Variants in ZDHHC14 observed in about 807,000 individuals in gnomAD.
ZDHHC14 encodes zDHHC palmitoyltransferase 14, also known as palmitoyltransferase ZDHHC14.
A neutral mutation model predicts 47.7 loss-of-function variants in ZDHHC14; 16 were observed. The observed-to-expected ratio is 0.34, with a 90% CI of 0.23 to 0.51. The LOEUF (loss-of-function observed/expected upper bound fraction) is 0.51, where lower values mean the gene tolerates loss of function less well. ZDHHC14 is among the 20% of genes least tolerant of loss of function. The probability of loss-of-function intolerance (pLI) is 0.97; values close to 1 mark genes in which losing one functional copy is unlikely to be tolerated. For missense variants in ZDHHC14, 515 were observed against 662.5 expected (o/e 0.78, Z 2.44); for synonymous variants, 293 against 278.9 (o/e 1.05, Z -0.50).
chr6:157,599,009 A>C (rs1182506852), intron 3 of ZDHHC14, among the ~76,000 whole-genome samples: 1 of 152,266 alleles, frequency 6.6e-6, no homozygotes, highest in African/African-American at 2.4e-5. Context: ...AACTTTTATA[A>C]ATCTTTGTAA....
chr6:157,444,677 A>C (rs1377157574), intron 1 of ZDHHC14, among the ~76,000 whole-genome samples: 1 of 122,646 alleles, frequency 8.2e-6, no homozygotes, highest in Non-Finnish European at 1.9e-5. Context: ...GACTCCGTCA[A>C]AAAAAAAAAA....
intron 3 of ZDHHC14, among the ~76,000 whole-genome samples, chr6:157,618,251 A>G (rs1039688852): frequency 6.6e-6 from 1 of 152,120 alleles, no homozygotes; most frequent in Non-Finnish European, 1.5e-5. Flanking sequence ...CACAAACGAC[A>G]GGTGGAGAAT....
intron 3 of ZDHHC14, among the ~76,000 whole-genome samples, chr6:157,600,923 TGTAATTCCAA>T (rs537574929): frequency 6.6e-6 from 1 of 152,184 alleles, no homozygotes; most frequent in Non-Finnish European, 1.5e-5. Context: ...AGGGGCCCAG[TGTAATTCCAA>T]GAGCCCTCAA....
At chr6:157,525,264 G>C (rs748206032) in intron 1 of ZDHHC14, among the ~76,000 whole-genome samples, 2 of 152,080 alleles carry the variant, frequency 1.3e-5, no homozygotes, top group African/African-American at 4.8e-5. Flanking sequence ...TGTTTCAAGC[G>C]ATCCTCCTGC....
At chr6:157,607,783 A>G (rs150388626) in intron 3 of ZDHHC14, among the ~76,000 whole-genome samples, 2 of 152,280 alleles carry the variant, frequency 1.3e-5, no homozygotes, top group East Asian at 3.9e-4. Context: ...CAGTGTAGTT[A>G]AAGAGATTAA....
intron 3 of ZDHHC14, among the ~76,000 whole-genome samples, chr6:157,606,987 A>G (rs1784562727): frequency 6.6e-6 from 1 of 152,224 alleles, no homozygotes; most frequent in African/African-American, 2.4e-5. Flanking sequence ...TAACATTTAC[A>G]CTTGCCACTA....
In ZDHHC14 at chr6:157,388,852, G is replaced by A. The variant is rs139075638; in HGVS notation, c.245+6586G>A. On this transcript the variant is annotated intron_variant, in intron 1 of 8. Transcript: ENST00000359775. ...GAAGCACATCACATCAATGCTTTGA[G>A]TCTATTCGGTCCTCTCTCTTGGCCC... Among the ~76,000 whole-genome samples the A allele has an allele frequency of 3.4e-3, 517 of 152,270 alleles. 5 individuals carry two copies. Among genetic ancestry groups the A allele is most frequent in the African/African-American group, 0.012 (490 of 41,574 alleles).
In ZDHHC14 at chr6:157,381,520, C is replaced by G; in HGVS notation, c.-502C>G. 1 of 405,286 alleles carries G rather than the reference C, an allele frequency of 2.5e-6. No individual in the cohort carries two copies. Among genetic ancestry groups the G allele is most frequent in the Non-Finnish European group, 4.9e-6 (1 of 203,196 alleles). 25.1% of individuals were successfully genotyped at this position (405,286 alleles called of 1,614,324 possible). ...GCTCTCTCCTGGGAGGATCCGCTGC[C>G]GGAGGAAGGAGTGGACCCAACCTGG... is the stretch of plus-strand genomic sequence containing the variant. On this transcript the variant is annotated 5_prime_UTR_variant, in exon 1 of 9. Transcript: ENST00000359775.
At position 157,564,233 on chromosome 6, in the gene ZDHHC14, C is replaced by T. The variant is rs549058292; in HGVS notation, c.406+21488C>T. Among the ~76,000 whole-genome samples the T allele has an allele frequency of 2.0e-5, 3 of 152,142 alleles. No homozygotes were observed. The East Asian group carries it at 5.8e-4, about 29-fold the overall frequency. ...CTGCTCACTCATAGTTGGGGCAGGG[C>T]GGGGGCTTTGGTTGGATAATCAGGC... is the stretch of plus-strand genomic sequence containing the variant. On this transcript the variant is annotated intron_variant, in intron 2 of 8. Transcript: ENST00000359775.
intron 6 of ZDHHC14, among the ~76,000 whole-genome samples, 167 bp downstream of exon 6, chr6:157,646,006 C>T (rs1777536698): frequency 6.6e-6 from 1 of 152,192 alleles, no homozygotes; most frequent in Non-Finnish European, 1.5e-5. Flanking sequence ...TGCCGTTCTG[C>T]ACGTTTCTCT....
chr6:157,590,531 G>C (rs1328169547), intron 2 of ZDHHC14, among the ~76,000 whole-genome samples: 1 of 152,228 alleles, frequency 6.6e-6, no homozygotes, highest in Non-Finnish European at 1.5e-5. Flanking sequence ...GTGCACAGAA[G>C]ACAATAATTG....
chr6:157,516,792 G>A (rs990044916), intron 1 of ZDHHC14, among the ~76,000 whole-genome samples: 7 of 152,244 alleles, frequency 4.6e-5, no homozygotes, highest in Middle Eastern at 3.4e-3. Flanking sequence ...GTCAGTCACC[G>A]GACATACTGC....
At chr6:157,636,754 T>C (rs1777004413) in intron 5 of ZDHHC14, among the ~76,000 whole-genome samples, 1 of 152,230 alleles carries the variant, frequency 6.6e-6, no homozygotes, top group South Asian at 2.1e-4. Context: ...GGCAGCACCC[T>C]AGCCTGGGTC....
chr6:157,481,177 T>C (rs1435933197), intron 1 of ZDHHC14, among the ~76,000 whole-genome samples: 2 of 152,224 alleles, frequency 1.3e-5, no homozygotes, highest in African/African-American at 4.8e-5. Context: ...ATTTTTTCCA[T>C]GTAAAACATG....
chr6:157,602,607 A>C lies in ZDHHC14; in HGVS notation c.565+9461A>C, dbSNP rs1311089152. Among the ~76,000 whole-genome samples the C allele has an allele frequency of 3.9e-5, 6 of 152,162 alleles. No homozygotes were observed. The East Asian group carries it at 9.7e-4, about 24-fold the overall frequency. On this transcript the variant is annotated intron_variant, in intron 3 of 8. Coordinates refer to ENST00000359775, the MANE Select transcript of ZDHHC14 (RefSeq NM_024630.3). Reference sequence around the variant, plus strand: ...GTTGCCAAGGCTAAATAGGAGTTACAGTGTATAGACTACCTGGGGTACTGA... The same window carrying C: ...GTTGCCAAGGCTAAATAGGAGTTACCGTGTATAGACTACCTGGGGTACTGA...
At chr6:157,663,600 G>A (rs1172208751) in intron 8 of ZDHHC14, among the ~76,000 whole-genome samples, 1 of 152,214 alleles carries the variant, frequency 6.6e-6, no homozygotes, top group Non-Finnish European at 1.5e-5. Flanking sequence ...GGCCATTCAG[G>A]CACCTGGCGA....
At position 157,462,580 on chromosome 6, in the gene ZDHHC14, G is replaced by A. The variant is rs1183904391; in HGVS notation, c.246-80005G>A. The stretch of plus-strand genomic sequence containing the variant: ...CTTTTGGGTTAGGCAAAGAAATGTG[G>A]TATTCTCTGGCTTCAGAGGATCTCT... On this transcript the variant is annotated intron_variant, in intron 1 of 8. Transcript: ENST00000359775. Among the ~76,000 whole-genome samples the A allele has an allele frequency of 2.0e-5, 3 of 152,362 alleles. No homozygotes were observed. In the East Asian group the frequency reaches 5.8e-4, roughly 29 times the overall value.
chr6:157,607,560 G>A (rs1156400046), intron 3 of ZDHHC14, among the ~76,000 whole-genome samples: 2 of 152,204 alleles, frequency 1.3e-5, no homozygotes, highest in East Asian at 3.8e-4. Context: ...TTTTCTGTGA[G>A]CAAAGGATGT....
chr6:157,421,018 T>C (rs898116593), intron 1 of ZDHHC14, among the ~76,000 whole-genome samples: 9 of 152,208 alleles, frequency 5.9e-5, no homozygotes, highest in African/African-American at 2.2e-4. Flanking sequence ...AGAACACATC[T>C]GAACTAACGT....
Sources: gnomAD v4.1 joint callset for allele counts (sites outside exome capture counted in the v4.1 genomes callset) on GRCh38, gnomAD v4.1.1 for gene constraint, MANE v1.5 for transcripts, NCBI Gene and HGNC (gene_info 2026-07-23, HGNC 2026-07-21) for gene names.